ADAP1: variants seen among roughly 807,000 people sequenced by gnomAD.
ADAP1 encodes the protein ArfGAP with dual PH domains 1, also known as arf-GAP with dual PH domain-containing protein 1.
ADAP1 carries 31 observed loss-of-function variants against 54.9 expected under a neutral mutation model. The observed-to-expected ratio is 0.56, with a 90% CI of 0.42 to 0.76. The LOEUF (loss-of-function observed/expected upper bound fraction) is 0.76, where lower values mean the gene tolerates loss of function less well. Ranked by LOEUF, ADAP1 falls within the 30% of genes least tolerant of loss-of-function variation. The pLI, the probability that ADAP1 is intolerant of heterozygous loss-of-function variation, is 0.00. For missense variants in ADAP1, 535 were observed against 512.4 expected (o/e 1.04, Z -0.42); for synonymous variants, 313 against 202.6 (o/e 1.55, Z -4.63).
intron 3 of ADAP1, among the ~76,000 whole-genome samples, chr7:924,993 C>T (rs1002910474): frequency 2.0e-5 from 3 of 151,806 alleles, no homozygotes; most frequent in Non-Finnish European, 4.4e-5. Context: ...GGGGCCAGGG[C>T]GCCAGGCCTG....
chr7:904,074 T>C (rs10282526), intron 6 of ADAP1, 52 bp downstream of exon 6: 460,727 of 1,602,038 alleles, frequency 0.29, 70,438 homozygotes, highest in East Asian at 0.64. Context: ...CACCCGGGCC[T>C]GAGGGCCCAC....
intron 4 of ADAP1, 147 bp from the exon 5 acceptor site, chr7:905,319 AG>A (rs201438732): frequency 8.2e-6 from 4 of 490,536 alleles, no homozygotes; most frequent in Non-Finnish European, 1.5e-5. Flanking sequence ...GGACGGGGAG[AG>A]GGGACATGGA....
At chr7:900,888 C>CGAAGGGCCGAAGGGCCGAAGGGCCGAA (rs370585752) in intron 6 of ADAP1, 3 of 594,542 alleles carry the variant, frequency 5.0e-6, no homozygotes, top group African/African-American at 2.0e-5. Context: ...GCCGAAGGGC[C>CGAAGGGCCGAAGGGCCGAAGGGCCGAA]GGGCCGGGCC....
rs113225936 is a variant in ADAP1 at position 905,196 on chromosome 7, T to C, written c.389-24A>G. On this transcript the variant is annotated intron_variant, in intron 4 of 10. Coordinates refer to ENST00000265846, the MANE Select transcript of ADAP1 (RefSeq NM_006869.4). ...CCCTGTGGGGGAAAGGGGACACGAG[T>C]CGGTGACAGTGGATGGGGGGGAGGA... 6.2e-3 allele frequency: 9,795 copies of C among 1,580,768 alleles called. 535 individuals carry two copies. The African/African-American group carries it at 0.12, about 19-fold the overall frequency.
At chr7:904,060 GCGC>G in intron 6 of ADAP1, 63 bp downstream of exon 6, 5 of 1,594,440 alleles carry the variant, frequency 3.1e-6, no homozygotes, top group Admixed American at 3.4e-5. Flanking sequence ...CCACCTTCCT[GCGC>G]CACCCGGGCC....
chr7:955,006 G>C (rs1401443416), upstream of ADAP1, among the ~76,000 whole-genome samples: 3 of 152,184 alleles, frequency 2.0e-5, no homozygotes, highest in Non-Finnish European at 2.9e-5. Context: ...ATGGGCATGG[G>C]GGTGCTCGTG....
chr7:905,800 GA>G (rs1195476098), intron 4 of ADAP1, among the ~76,000 whole-genome samples: 1 of 62,976 alleles, frequency 1.6e-5, no homozygotes, highest in Non-Finnish European at 3.5e-5. Context: ...GGAGAAAGGA[GA>G]AAGGAGAAAG....
chr7:909,528 C>T (rs183967277), intron 4 of ADAP1, among the ~76,000 whole-genome samples: 70 of 151,846 alleles, frequency 4.6e-4, no homozygotes, highest in Admixed American at 1.4e-3. Context: ...GGACGCGCCC[C>T]ACGCCCAGTC....
upstream of ADAP1, chr7:955,391 A>C (rs1242604493): frequency 1.9e-6 from 3 of 1,550,062 alleles, no homozygotes; most frequent in Non-Finnish European, 2.6e-6. Context: ...CACCCGGCTG[A>C]AAACAAACTG....
Position 926,914 on chromosome 7 carries a change from G to T in ADAP1, c.214-270C>A. 1 of 1,162,910 alleles carries T rather than the reference G, an allele frequency of 8.6e-7. No individual in the cohort carries two copies. Among genetic ancestry groups the T allele is most frequent in the Non-Finnish European group, 1.1e-6 (1 of 873,634 alleles). 72.0% of individuals were successfully genotyped at this position (1,162,910 alleles called of 1,614,324 possible). On this transcript the variant is annotated intron_variant, in intron 2 of 10. Transcript: ENST00000265846. This position sits in a 1 kb window ranked among gnomAD's most constrained non-coding sequence, Gnocchi z 4.6. ...AGGGGCCAGGCCCCTTTTGAGGATG[G>T]GTCTGAGGTTTGCCCCACCGTTTCA...
intron 4 of ADAP1, among the ~76,000 whole-genome samples, chr7:906,931 C>T (rs1264680832): frequency 6.6e-6 from 1 of 152,062 alleles, no homozygotes; most frequent in Admixed American, 6.5e-5. Flanking sequence ...GGGACTCCAG[C>T]TGTCCTTTAC....
At chr7:927,960 A>C (rs1846442533) in intron 2 of ADAP1, among the ~76,000 whole-genome samples, 1 of 151,900 alleles carries the variant, frequency 6.6e-6, no homozygotes, top group Non-Finnish European at 1.5e-5. Context: ...TCACATCTGT[A>C]GTCCCAGCAC....
chr7:944,884 A>G (rs1358297448), intron 1 of ADAP1, among the ~76,000 whole-genome samples: 2 of 152,016 alleles, frequency 1.3e-5, no homozygotes, highest in East Asian at 3.9e-4. Flanking sequence ...AAAGATTCAG[A>G]CCCTGGGAGG....
rs574846523 is a variant in ADAP1 at position 905,129 on chromosome 7, C to A, written c.432G>T (p.Gly144=). 8.1e-6 allele frequency: 13 copies of A among 1,612,410 alleles called. No homozygotes were observed. The African/African-American group carries it at 1.1e-4, about 13-fold the overall frequency. ...GCACAAACTTCCGGCTCAAAAACTGCCCGTTGTCCCGGCCACGCTTCCAGA... is the reference window on the plus strand; with the variant it reads ...GCACAAACTTCCGGCTCAAAAACTGACCGTTGTCCCGGCCACGCTTCCAGA... ...GFLWKRGRDN[G]QFLSRKFVLT... The change falls in exon 5 of 11, where the codon GGG becomes GGT. Residue 144 remains glycine (G), a synonymous_variant. Transcript: ENST00000265846.
In ADAP1 at chr7:919,979, G is replaced by T; in HGVS notation, c.377C>A (p.Pro126His). The change falls in exon 4 of 11, where the codon CCC (proline) becomes CAC (histidine). Residue 126 changes from proline (P) to histidine (H), a missense_variant. By Grantham distance (77) the Pro-to-His change is moderately conservative. Coordinates refer to ENST00000265846, the MANE Select transcript of ADAP1 (RefSeq NM_006869.4). ...CCGGGTGGCCTCACCTGCCGAGTAG[G>T]GCTCCTGCTTCTCCGGGTAGATGAA... Reference protein sequence around the residue: ...QEFIYPEKQEPYSAGYREGFL... With the variant: ...QEFIYPEKQEHYSAGYREGFL... The T allele has an allele frequency of 6.2e-7, 1 of 1,606,298 alleles. No individual in the cohort carries two copies.
At chr7:913,189 C>T (rs1405728662) in intron 4 of ADAP1, among the ~76,000 whole-genome samples, 1 of 145,474 alleles carries the variant, frequency 6.9e-6, no homozygotes, top group Non-Finnish European at 1.5e-5. Context: ...TGCTGGCCTC[C>T]TCCCCTTCCT....
rs1421515661 is a variant in ADAP1, at chr7:938,001, CGA to C, written c.83-2498_83-2497del. Among the ~76,000 whole-genome samples, 1 of 152,170 alleles carries C rather than the reference CGA, an allele frequency of 6.6e-6. No homozygotes were observed. The highest frequency in any genetic ancestry group is 6.5e-5 in the Admixed American group (1 of 15,278). The stretch of plus-strand genomic sequence containing the variant: ...CCTACTTCAGCAGAGCCCCTGTCTT[CGA>C]GAGAGACCACAGGCTTTCTCCTCAC... On this transcript the variant is annotated intron_variant, in intron 1 of 10. Coordinates refer to ENST00000265846, the MANE Select transcript of ADAP1 (RefSeq NM_006869.4). The surrounding 1 kb of genome is among the most constrained non-coding windows in gnomAD (Gnocchi z 4.4).
intron 6 of ADAP1, 92 bp downstream of exon 6, chr7:904,034 C>A (rs562222572): frequency 6.5e-7 from 1 of 1,550,172 alleles, no homozygotes; most frequent in Non-Finnish European, 8.7e-7. Flanking sequence ...CCTACCCTCC[C>A]GTACCGTCCA....
chr7:905,258 A>T (rs546251570), intron 4 of ADAP1, 86 bp from the exon 5 acceptor site: 9 of 739,030 alleles, frequency 1.2e-5, no homozygotes, highest in Admixed American at 2.3e-5. Context: ...CAGAGGGGAC[A>T]TGGGGAGAAG....
Sources: allele counts gnomAD v4.1 joint callset (sites outside exome capture counted in the v4.1 genomes callset), GRCh38; gene constraint gnomAD v4.1.1; non-coding constraint Gnocchi (gnomAD v3.1); transcripts MANE v1.5; gene names NCBI Gene and HGNC (gene_info 2026-07-23, HGNC 2026-07-21).